ADGRB3: variants seen among roughly 807,000 people sequenced by gnomAD.
ADGRB3 encodes adhesion G protein-coupled receptor B3, also known as brain-specific angiogenesis inhibitor 3.
ADGRB3 carries 37 observed loss-of-function variants against 193.4 expected under a neutral mutation model. The ratio of observed to expected loss-of-function variants is 0.19; its 90% CI spans 0.15 to 0.25. ADGRB3 has a LOEUF of 0.25. ADGRB3 is among the 10% of genes least tolerant of loss of function. The pLI, the probability that ADGRB3 is intolerant of heterozygous loss-of-function variation, is 1.00. For missense variants in ADGRB3, 1,637 were observed against 1,852.9 expected (o/e 0.88, Z 2.14); for synonymous variants, 690 against 644.2 (o/e 1.07, Z -1.08).
intron 12 of ADGRB3, among the ~76,000 whole-genome samples, chr6:69,017,816 G>A (rs1410536502): frequency 6.6e-6 from 1 of 151,772 alleles, no homozygotes; most frequent in Non-Finnish European, 1.5e-5. Context: ...CCATAAGTGT[G>A]TTTTGTATTT....
intron 3 of ADGRB3, among the ~76,000 whole-genome samples, chr6:68,927,195 C>A (rs547191517): frequency 6.6e-6 from 1 of 152,226 alleles, no homozygotes; most frequent in South Asian, 2.1e-4. Context: ...TACATTATTT[C>A]ATTTGATTTC....
chr6:69,015,943 T>A (rs554160312), intron 12 of ADGRB3, among the ~76,000 whole-genome samples: 1 of 151,992 alleles, frequency 6.6e-6, no homozygotes, highest in Non-Finnish European at 1.5e-5. Context: ...ATTTTAGTCA[T>A]GTATTATGTT....
intron 13 of ADGRB3, among the ~76,000 whole-genome samples, chr6:69,040,330 T>C (rs1262905445): frequency 6.5e-5 from 3 of 46,390 alleles, no homozygotes; most frequent in Non-Finnish European, 8.9e-5. Context: ...TCTTTCTTTC[T>C]TTCTTTCTTT....
intron 17 of ADGRB3, among the ~76,000 whole-genome samples, chr6:69,172,783 G>A (rs1775316771): frequency 6.6e-6 from 1 of 151,970 alleles, no homozygotes; most frequent in Non-Finnish European, 1.5e-5. Context: ...AGGCCTTCTT[G>A]AGAAGCAGAC....
At chr6:68,971,343 C>G (rs1768562286) in intron 8 of ADGRB3, among the ~76,000 whole-genome samples, 1 of 152,142 alleles carries the variant, frequency 6.6e-6, no homozygotes, top group Non-Finnish European at 1.5e-5. Context: ...TTCCAGGACC[C>G]TGTGTCTACT....
chr6:69,383,890 G>C (rs1295259876), intron 31 of ADGRB3, among the ~76,000 whole-genome samples: 1 of 151,800 alleles, frequency 6.6e-6, no homozygotes, highest in African/African-American at 2.4e-5. Context: ...GCCCTTGGAT[G>C]GTCCTTCTTC....
At chr6:68,712,370 C>G (rs1765421040) in intron 3 of ADGRB3, among the ~76,000 whole-genome samples, 1 of 151,962 alleles carries the variant, frequency 6.6e-6, no homozygotes, top group Non-Finnish European at 1.5e-5. Context: ...ATTTTAAACT[C>G]TTTTTTGCAT....
intron 17 of ADGRB3, among the ~76,000 whole-genome samples, chr6:69,178,342 G>A (rs1775487444): frequency 6.6e-6 from 1 of 152,152 alleles, no homozygotes; most frequent in Admixed American, 6.5e-5. Flanking sequence ...TTACAGGTGT[G>A]ATGGGTCTCT....
chr6:69,378,880 A>T (rs1344985751), intron 30 of ADGRB3, among the ~76,000 whole-genome samples: 1 of 152,048 alleles, frequency 6.6e-6, no homozygotes, highest in African/African-American at 2.4e-5. Flanking sequence ...CTGAAATATG[A>T]TGAATGTGCT....
intron 17 of ADGRB3, among the ~76,000 whole-genome samples, chr6:69,095,459 C>A (rs1052205904): frequency 2.6e-5 from 4 of 152,012 alleles, no homozygotes; most frequent in Non-Finnish European, 5.9e-5. Flanking sequence ...TCATAAAGTT[C>A]TTTAAAGGCA....
intron 3 of ADGRB3, among the ~76,000 whole-genome samples, chr6:68,864,109 CA>C (rs1765228532): frequency 6.6e-6 from 1 of 151,974 alleles, no homozygotes; most frequent in South Asian, 2.1e-4. Context: ...ATTATTTGAT[CA>C]GGGAAAAAAC....
intron 3 of ADGRB3, among the ~76,000 whole-genome samples, chr6:68,876,544 GA>G (rs969757663): frequency 6.6e-6 from 1 of 152,160 alleles, no homozygotes; most frequent in African/African-American, 2.4e-5. Context: ...TGAATGGATG[GA>G]TAGTTTACTT....
At chr6:69,261,011 A>T (rs1161474983) in intron 20 of ADGRB3, among the ~76,000 whole-genome samples, 1 of 152,182 alleles carries the variant, frequency 6.6e-6, no homozygotes, top group East Asian at 1.9e-4. Context: ...TTATTTCTAA[A>T]ATCATAGCAG....
At chr6:69,127,797 C>A (rs1424485960) in intron 17 of ADGRB3, among the ~76,000 whole-genome samples, 1 of 152,126 alleles carries the variant, frequency 6.6e-6, no homozygotes, top group Non-Finnish European at 1.5e-5. Context: ...TAGCATTACA[C>A]AACTGTAAAT....
chr6:68,761,602 A>C (rs1376681571), intron 3 of ADGRB3, among the ~76,000 whole-genome samples: 1 of 151,482 alleles, frequency 6.6e-6, no homozygotes, highest in African/African-American at 2.4e-5. Context: ...TGCAGGCGCC[A>C]GACATGTATT....
chr6:68,824,762 T>C (rs1271976592), intron 3 of ADGRB3, among the ~76,000 whole-genome samples: 3 of 151,438 alleles, frequency 2.0e-5, no homozygotes, highest in Non-Finnish European at 4.4e-5. Flanking sequence ...TTTTATAGTA[T>C]CTTGTTGCTT....
At chr6:69,248,077 G>T (rs1347216242) in intron 20 of ADGRB3, among the ~76,000 whole-genome samples, 1 of 152,136 alleles carries the variant, frequency 6.6e-6, no homozygotes, top group Non-Finnish European at 1.5e-5. Flanking sequence ...CCTTCCAAGA[G>T]TCTCACAGAA....
chr6:69,270,702 G>A (rs1767155320), intron 20 of ADGRB3, among the ~76,000 whole-genome samples: 1 of 152,124 alleles, frequency 6.6e-6, no homozygotes, highest in Non-Finnish European at 1.5e-5. Flanking sequence ...TCATATAACA[G>A]ATCACAGAGG....
chr6:68,748,470 A>C (rs1382839530), intron 3 of ADGRB3, among the ~76,000 whole-genome samples: 1 of 152,194 alleles, frequency 6.6e-6, no homozygotes. Context: ...CAGGGCAGTC[A>C]AATTTTAAAG....
Sources: allele counts gnomAD v4.1 joint callset (sites outside exome capture counted in the v4.1 genomes callset), GRCh38; gene constraint gnomAD v4.1.1; transcripts MANE v1.5; gene names NCBI Gene and HGNC (gene_info 2026-07-23, HGNC 2026-07-21).